Variants in GRM7 observed in about 807,000 individuals in gnomAD.
The protein encoded by GRM7 is glutamate metabotropic receptor 7.
In GRM7, 35 loss-of-function variants were observed where a neutral mutation model predicts 84.5. The observed-to-expected ratio is 0.41, with a 90% CI of 0.32 to 0.55. The LOEUF is 0.55. Among genes scored for constraint, GRM7 ranks in the 20% least tolerant of loss-of-function variants. The pLI is 0.19. For missense variants in GRM7, 1,003 were observed against 1,194.6 expected (o/e 0.84, Z 2.36); for synonymous variants, 487 against 455.1 (o/e 1.07, Z -0.89).
intron 2 of GRM7, among the ~76,000 whole-genome samples, chr3:7,147,164 A>G (rs1694136590): frequency 6.6e-6 from 1 of 152,156 alleles, no homozygotes; most frequent in Non-Finnish European, 1.5e-5. Flanking sequence ...ATGTATTTAG[A>G]CAAACAGTCT....
chr3:7,368,494 T>C (rs1448539542), intron 4 of GRM7, among the ~76,000 whole-genome samples: 4 of 152,130 alleles, frequency 2.6e-5, no homozygotes, highest in Admixed American at 2.0e-4. Context: ...ATATAATTCA[T>C]TTTTTTCTAT....
intron 6 of GRM7, among the ~76,000 whole-genome samples, chr3:7,461,073 T>C (rs1396342713): frequency 3.3e-5 from 5 of 152,242 alleles, no homozygotes; most frequent in Admixed American, 6.5e-5. Flanking sequence ...CAAAAACATT[T>C]TAAATACAAT....
chr3:7,171,568 C>T (rs1360102394), intron 2 of GRM7, among the ~76,000 whole-genome samples: 1 of 152,156 alleles, frequency 6.6e-6, no homozygotes, highest in Non-Finnish European at 1.5e-5. Flanking sequence ...TGATGTCTAT[C>T]TGCATAAATA....
chr3:7,564,690 A>G (rs910245286), intron 7 of GRM7, among the ~76,000 whole-genome samples: 16 of 152,178 alleles, frequency 1.1e-4, no homozygotes, highest in Non-Finnish European at 2.9e-5. Context: ...GGTAACTGCC[A>G]TGTCTCAGGC....
chr3:7,515,976 C>G (rs1242438624), intron 7 of GRM7, among the ~76,000 whole-genome samples: 5 of 151,328 alleles, frequency 3.3e-5, no homozygotes, highest in African/African-American at 1.2e-4. Context: ...GACCCTGTCT[C>G]TACAAAAAAT....
chr3:7,308,262 C>CATCTA (rs35694569), intron 4 of GRM7, among the ~76,000 whole-genome samples: 1 of 151,390 alleles, frequency 6.6e-6, no homozygotes, highest in African/African-American at 2.4e-5. Flanking sequence ...TTGGGGGTCT[C>CATCTA]AGATGTTAAT....
chr3:7,293,810 A>G (rs1280897585), intron 2 of GRM7, among the ~76,000 whole-genome samples: 1 of 152,260 alleles, frequency 6.6e-6, no homozygotes, highest in Admixed American at 6.5e-5. Context: ...GTATGGCTTG[A>G]ATGTTTATGT....
At chr3:7,342,606 TAA>T (rs1441421020) in intron 4 of GRM7, among the ~76,000 whole-genome samples, 7 of 152,154 alleles carry the variant, frequency 4.6e-5, no homozygotes, top group Non-Finnish European at 2.9e-5. Context: ...TAGCCTACTT[TAA>T]AATTACCTAC....
intron 2 of GRM7, among the ~76,000 whole-genome samples, chr3:7,247,234 T>C (rs1697798400): frequency 6.6e-6 from 1 of 151,766 alleles, no homozygotes; most frequent in Admixed American, 6.6e-5. Context: ...TGACTTTGGG[T>C]GAGCAAAAAT....
chr3:6,971,634 C>A (rs1693762527), intron 1 of GRM7, among the ~76,000 whole-genome samples: 1 of 152,142 alleles, frequency 6.6e-6, no homozygotes, highest in Non-Finnish European at 1.5e-5. Context: ...CTTTGACACC[C>A]TTTATCACGA....
In GRM7 at chr3:7,176,229, T is replaced by TAAAAAA. The variant is rs55732650; in HGVS notation, c.736+29589_736+29594dup. On this transcript the variant is annotated intron_variant, in intron 2 of 9. Coordinates refer to ENST00000357716, the MANE Select transcript of GRM7 (RefSeq NM_000844.4). Reference sequence around the variant, plus strand: ...AAGGAGACCTCATCTCTATAAAAAGTAAAAAAAAAAAAAAAAAAAAAAAAA... The same window carrying TAAAAAA: ...AAGGAGACCTCATCTCTATAAAAAGTAAAAAAAAAAAAAAAAAAAAAAAAAAAAAAA... Among the ~76,000 whole-genome samples the TAAAAAA allele has an allele frequency of 2.5e-3, 157 of 63,152 alleles. 3 individuals carry two copies. Among genetic ancestry groups the TAAAAAA allele is most frequent in the East Asian group, 7.2e-3 (7 of 978 alleles). The allele number at this position is 63,152 out of a possible 152,430, so 41.4% of individuals were successfully genotyped here. A position where few individuals can be genotyped will look rare whatever the true frequency, so the allele number is the denominator to read the frequency against.
chr3:7,605,513 C>G (rs73116079), intron 8 of GRM7, among the ~76,000 whole-genome samples: 2,949 of 152,032 alleles, frequency 0.019, 104 homozygotes, highest in African/African-American at 0.066. Flanking sequence ...AGAAAAAAAT[C>G]TTGATACATA....
chr3:7,588,351 G>T (rs745810008), intron 8 of GRM7, among the ~76,000 whole-genome samples: 3 of 152,126 alleles, frequency 2.0e-5, no homozygotes, highest in Non-Finnish European at 4.4e-5. Flanking sequence ...GGCTCAGCTT[G>T]TTACCTTTTA....
At chr3:7,321,189 A>G (rs370704327) in intron 4 of GRM7, among the ~76,000 whole-genome samples, 33 of 152,048 alleles carry the variant, frequency 2.2e-4, no homozygotes, top group East Asian at 1.2e-3. Flanking sequence ...TAATGCAGCC[A>G]GTGTTAGAAA....
chr3:6,875,005 C>T (rs1695251557), intron 1 of GRM7, among the ~76,000 whole-genome samples: 1 of 152,174 alleles, frequency 6.6e-6, no homozygotes, highest in African/African-American at 2.4e-5. Flanking sequence ...AGTGTGGGGT[C>T]TTACTCATCC....
At chr3:7,093,508 T>C (rs1698739674) in intron 1 of GRM7, among the ~76,000 whole-genome samples, 1 of 151,076 alleles carries the variant, frequency 6.6e-6, no homozygotes, top group Non-Finnish European at 1.5e-5. Context: ...TGAAACCCCG[T>C]CTCTAATAAA....
intron 1 of GRM7, among the ~76,000 whole-genome samples, chr3:6,990,500 T>G: frequency 6.6e-6 from 1 of 152,312 alleles, no homozygotes; most frequent in East Asian, 1.9e-4. Context: ...GCATCCAGGC[T>G]TTTTAGTTAT....
intron 1 of GRM7, among the ~76,000 whole-genome samples, chr3:6,896,473 C>T (rs1188044275): frequency 6.6e-6 from 1 of 152,164 alleles, no homozygotes; most frequent in African/African-American, 2.4e-5. Flanking sequence ...ACTTGTAACT[C>T]AATATATTAA....
chr3:7,158,807 G>A (rs931847577), intron 2 of GRM7, among the ~76,000 whole-genome samples: 3 of 152,142 alleles, frequency 2.0e-5, no homozygotes, highest in Non-Finnish European at 2.9e-5. Flanking sequence ...CCTCTCTAGA[G>A]AGTCTTTTAG....
Sources: allele counts gnomAD v4.1 joint callset (sites outside exome capture counted in the v4.1 genomes callset), GRCh38; gene constraint gnomAD v4.1.1; transcripts MANE v1.5; gene names NCBI Gene and HGNC (gene_info 2026-07-23, HGNC 2026-07-21).